Variants in BBX observed in about 807,000 individuals in gnomAD.
BBX encodes the protein HMG box transcription factor BBX.
Under a neutral mutation model 100.2 loss-of-function variants are expected in BBX, and 30 were observed. The observed-to-expected ratio is 0.30, with a 90% confidence interval of 0.22 to 0.41. The LOEUF (loss-of-function observed/expected upper bound fraction) is 0.41. BBX is among the 10% of genes least tolerant of loss of function. The probability of loss-of-function intolerance (pLI) is 1.00; values close to 1 mark genes in which losing one functional copy is unlikely to be tolerated. For missense variants in BBX, 1,023 were observed against 1,129.8 expected (o/e 0.91, Z 1.35); for synonymous variants, 376 against 388.1 (o/e 0.97, Z 0.37).
chr3:107,688,194 G>A (rs561696830), intron 3 of BBX, among the ~76,000 whole-genome samples: 1 of 152,262 alleles, frequency 6.6e-6, no homozygotes, highest in African/African-American at 2.4e-5. Context: ...TTCCTATAAA[G>A]GCCCAGCCAG....
At chr3:107,572,552 G>A (rs183437922) in intron 2 of BBX, among the ~76,000 whole-genome samples, 3 of 152,112 alleles carry the variant, frequency 2.0e-5, no homozygotes, top group South Asian at 2.1e-4. Flanking sequence ...CATTCTGATC[G>A]TTAGTATGTT....
chr3:107,729,037 G>C (rs1446647995), intron 6 of BBX, 77 bp downstream of exon 6: 1 of 1,452,604 alleles, frequency 6.9e-7, no homozygotes, highest in Admixed American at 2.2e-5. Context: ...ACAATACTGA[G>C]GGCGGGGGGA....
At chr3:107,712,595 T>A (rs1236750295) in intron 4 of BBX, among the ~76,000 whole-genome samples, 2 of 152,210 alleles carry the variant, frequency 1.3e-5, no homozygotes, top group African/African-American at 4.8e-5. Flanking sequence ...TTTGTTGCCC[T>A]TTTAACAGTT....
rs564507670 is a variant in BBX at position 107,809,820 on chromosome 3, T to C, written c.*4363T>C. 1 of 152,386 alleles carries C rather than the reference T, an allele frequency of 6.6e-6. No homozygotes were observed. The highest frequency in any genetic ancestry group is 2.1e-4 in the South Asian group (1 of 4,832). The allele number at this position is 152,386 out of a possible 1,614,324, so 9.4% of individuals were successfully genotyped here. On this transcript the variant is annotated 3_prime_UTR_variant, in exon 18 of 18. Coordinates refer to ENST00000325805, the MANE Select transcript of BBX (RefSeq NM_001142568.3). ...AAAAGTATACTAATTGTTAATTAGA[T>C]GTTGCTTTTGTTTATACAAGCATTC... is the stretch of plus-strand genomic sequence containing the variant.
At chr3:107,680,171 C>T (rs977806939) in intron 3 of BBX, among the ~76,000 whole-genome samples, 3 of 152,156 alleles carry the variant, frequency 2.0e-5, no homozygotes, top group African/African-American at 7.2e-5. Flanking sequence ...CCAAACCTTC[C>T]TTACTGGCCA....
chr3:107,550,573 T>C (rs929618145), intron 2 of BBX, among the ~76,000 whole-genome samples: 20 of 151,976 alleles, frequency 1.3e-4, no homozygotes, highest in African/African-American at 4.4e-4. Flanking sequence ...ATGCCAGAGA[T>C]TGGGAAGTAC....
chr3:107,536,859 A>G (rs1471219965), intron 2 of BBX, among the ~76,000 whole-genome samples: 1 of 152,166 alleles, frequency 6.6e-6, no homozygotes, highest in Admixed American at 6.5e-5. Flanking sequence ...GTCAATGTAA[A>G]TATCTATCAT....
At chr3:107,732,241 C>A (rs966747357) in intron 6 of BBX, among the ~76,000 whole-genome samples, 4 of 151,936 alleles carry the variant, frequency 2.6e-5, no homozygotes, top group Admixed American at 6.6e-5. Context: ...TTAGATACAA[C>A]CTGGGTTATA....
In BBX at chr3:107,658,466, C is replaced by T. The variant is rs116170783; in HGVS notation, c.-10+12557C>T. ...TGAATAATAAATTTCCTGTCATTGT[C>T]GACTCTTCTTTCACACTTAGTGAAA... On this transcript the variant is annotated intron_variant, in intron 3 of 17. Coordinates refer to ENST00000325805, the MANE Select transcript of BBX (RefSeq NM_001142568.3). Among the ~76,000 whole-genome samples, 635 of 152,108 alleles carry T rather than the reference C, an allele frequency of 4.2e-3. 5 individuals carry two copies. Among genetic ancestry groups the T allele is most frequent in the African/African-American group, 0.015 (608 of 41,532 alleles).
chr3:107,811,291 G>A lies in BBX; in HGVS notation c.*5834G>A, dbSNP rs2071271736. ...GTACCATTTTCACTAAAAACAGTAGGAAAAATACTAATAAAAGTAAGATAT... is the reference window on the plus strand; with the variant it reads ...GTACCATTTTCACTAAAAACAGTAGAAAAAATACTAATAAAAGTAAGATAT... On this transcript the variant is annotated 3_prime_UTR_variant, in exon 18 of 18. Transcript: ENST00000325805. 6.6e-6 allele frequency: 1 copy of A among 152,088 alleles called. No individual in the cohort carries two copies. Among genetic ancestry groups the A allele is most frequent in the Non-Finnish European group, 1.5e-5 (1 of 68,014 alleles). 9.4% of individuals were successfully genotyped at this position (152,088 alleles called of 1,614,324 possible). A position where few individuals can be genotyped will look rare whatever the true frequency, so the allele number is the denominator to read the frequency against.
chr3:107,738,845 A>C (rs2063852912), intron 7 of BBX, among the ~76,000 whole-genome samples: 1 of 152,062 alleles, frequency 6.6e-6, no homozygotes, highest in African/African-American at 2.4e-5. Context: ...TCTCTCAAGA[A>C]CCCTCTGAGG....
chr3:107,609,415 G>A (rs922841332), intron 2 of BBX, among the ~76,000 whole-genome samples: 1 of 152,040 alleles, frequency 6.6e-6, no homozygotes, highest in East Asian at 1.9e-4. Flanking sequence ...GAGTTTAGAA[G>A]TATTCCCCAT....
At chr3:107,573,684 A>C (rs1170146533) in intron 2 of BBX, among the ~76,000 whole-genome samples, 1 of 152,236 alleles carries the variant, frequency 6.6e-6, no homozygotes. Flanking sequence ...TTTTAAAGGA[A>C]ATAAACAGCT....
chr3:107,721,368 T>G (rs2062514702), intron 5 of BBX, among the ~76,000 whole-genome samples: 1 of 152,032 alleles, frequency 6.6e-6, no homozygotes, highest in South Asian at 2.1e-4. Flanking sequence ...TTTTTTGTTT[T>G]GTTTTGTTTT....
intron 2 of BBX, among the ~76,000 whole-genome samples, chr3:107,535,593 CT>C (rs11298693): frequency 0.27 from 35,300 of 132,430 alleles, 3,957 homozygotes; most frequent in African/African-American, 0.32. Flanking sequence ...TGCTCTGTTC[CT>C]TTTTTTTTTT....
chr3:107,784,121 A>G (rs536462209), intron 13 of BBX, among the ~76,000 whole-genome samples: 2 of 152,154 alleles, frequency 1.3e-5, no homozygotes, highest in South Asian at 4.1e-4. Context: ...TCTGTGAATG[A>G]AAACAACCCT....
At chr3:107,723,201 C>T (rs565075305) in intron 5 of BBX, among the ~76,000 whole-genome samples, 1 of 151,918 alleles carries the variant, frequency 6.6e-6, no homozygotes, top group African/African-American at 2.4e-5. Flanking sequence ...ACTTCTCTTT[C>T]ACCCTATTGA....
At chr3:107,724,764 T>C (rs1157699652) in intron 5 of BBX, among the ~76,000 whole-genome samples, 1 of 152,200 alleles carries the variant, frequency 6.6e-6, no homozygotes, top group Non-Finnish European at 1.5e-5. Context: ...TCCATTGGTC[T>C]ATATCTCTGT....
intron 3 of BBX, among the ~76,000 whole-genome samples, chr3:107,699,662 G>A (rs73850126): frequency 0.016 from 2,483 of 151,944 alleles, 128 homozygotes; most frequent in African/African-American, 0.055. Context: ...GTGAACAGCT[G>A]ATTGCAGTGA....
Sources: gnomAD v4.1 joint callset for allele counts (sites outside exome capture counted in the v4.1 genomes callset) on GRCh38, gnomAD v4.1.1 for gene constraint, MANE v1.5 for transcripts, NCBI Gene and HGNC (gene_info 2026-07-23, HGNC 2026-07-21) for gene names.